The following TCP11 variants were observed in gnomAD, a reference collection of about 807,000 sequenced individuals.
TCP11 encodes the protein T-complex protein 11 homolog.
Under a neutral mutation model 45.0 loss-of-function variants are expected in TCP11, and 34 were observed. That is an observed-to-expected ratio of 0.76 (90% CI 0.57 to 1.01). The LOEUF is 1.01. Among genes scored for constraint, TCP11 ranks in the 50% least tolerant of loss-of-function variants. The probability of loss-of-function intolerance (pLI) is 0.00; values close to 1 mark genes in which losing one functional copy is unlikely to be tolerated. For missense variants in TCP11, 523 were observed against 598.1 expected, an observed-to-expected ratio of 0.87 and a Z score of 1.31; for synonymous variants, 227 against 227.0, an observed-to-expected ratio of 1.00 and a Z score of 0.00.
At chr6:35,126,628 A>G (rs1779845178) in intron 4 of TCP11, among the ~76,000 whole-genome samples, 2 of 150,738 alleles carry the variant, frequency 1.3e-5, no homozygotes, top group South Asian at 4.2e-4. Context: ...TACAGGATGC[A>G]ATATATGCTT....
Position 35,140,839 on chromosome 6 carries a change from T to C in TCP11, c.32A>G (p.Lys11Arg). 6.4e-7 allele frequency: 1 copy of C among 1,567,208 alleles called. No individual in the cohort carries two copies. Among genetic ancestry groups the C allele is most frequent in the African/African-American group, 1.4e-5 (1 of 72,912 alleles). ...CCTGCCCTCTGAGTCGCCAGGATAT[T>C]TCGGGGGCACACTCTCCTTGACGTC... Reference protein sequence around the residue: MPDVKESVPPKYPGDSEGRSC... With the variant: MPDVKESVPPRYPGDSEGRSC... The change falls in exon 2 of 10, where the codon AAA becomes AGA. Residue 11 changes from lysine (K) to arginine (R), a missense_variant. Physicochemically the swap from Lys to Arg is conservative, Grantham distance 26. Coordinates refer to ENST00000311875, the MANE Select transcript of TCP11 (RefSeq NM_001370687.1).
intron 4 of TCP11, among the ~76,000 whole-genome samples, chr6:35,128,063 G>A (rs1780022107): frequency 6.6e-6 from 1 of 152,178 alleles, no homozygotes; most frequent in Non-Finnish European, 1.5e-5. Flanking sequence ...CAGCTTATAA[G>A]AACACACATT....
At position 35,127,837 on chromosome 6, in the gene TCP11, A is replaced by T. The variant is rs534447437; in HGVS notation, c.357+1225T>A. ...TCTTTTCAGGAATTCAAATGTGTAT[A>T]GAAGAGCGCATGTGGAAACTGAGTA... On this transcript the variant is annotated intron_variant, in intron 4 of 9. Coordinates refer to ENST00000311875, the MANE Select transcript of TCP11 (RefSeq NM_001370687.1). Among the ~76,000 whole-genome samples the T allele has an allele frequency of 2.0e-5, 3 of 152,332 alleles. No individual in the cohort carries two copies. In the East Asian group the frequency reaches 5.8e-4, roughly 29 times the overall value.
At chr6:35,124,023 G>C (rs975142527) in intron 4 of TCP11, among the ~76,000 whole-genome samples, 1 of 151,816 alleles carries the variant, frequency 6.6e-6, no homozygotes, top group African/African-American at 2.4e-5. Context: ...TGAACTCCTG[G>C]GCTCAAGAAA....
rs751553159 is a variant in TCP11, at chr6:35,141,217, C to G, written c.-27G>C. 2.8e-6 allele frequency: 4 copies of G among 1,403,862 alleles called. No homozygotes were observed. The highest frequency in any genetic ancestry group is 3.7e-6 in the Non-Finnish European group (4 of 1,080,388). The allele number at this position is 1,403,862 out of a possible 1,614,324, so 87.0% of individuals were successfully genotyped here. On this transcript the variant is annotated 5_prime_UTR_variant, in exon 1 of 10. Transcript: ENST00000311875. ...CCCAGGCCGTCACCTCCTCCTCCCC[C>G]GCCGCGGGTCATCCACTGGCGTCCG... is the stretch of plus-strand genomic sequence containing the variant.
intron 3 of TCP11, among the ~76,000 whole-genome samples, chr6:35,130,588 GTA>G (rs919826622): frequency 1.3e-5 from 2 of 151,944 alleles, no homozygotes; most frequent in Non-Finnish European, 2.9e-5. Context: ...TGGCAAATAA[GTA>G]TATGAGAAGA....
intron 2 of TCP11, among the ~76,000 whole-genome samples, 159 bp from the exon 3 acceptor site, chr6:35,136,377 A>G (rs1238875140): frequency 2.0e-5 from 3 of 151,598 alleles, no homozygotes; most frequent in African/African-American, 7.3e-5. Context: ...TCTATGCCCC[A>G]CGACAGTGCT....
intron 4 of TCP11, chr6:35,128,716 G>A (rs1170467329): frequency 5.5e-6 from 1 of 180,914 alleles, no homozygotes. Context: ...GTGGTCAGCA[G>A]CATACACAGG....
At position 35,119,222 on chromosome 6, in the gene TCP11, A is replaced by G. The variant is rs1413462950; in HGVS notation, c.1279+6T>C. The G allele has an allele frequency of 6.2e-7, 1 of 1,613,600 alleles. No individual in the cohort carries two copies. The highest frequency in any genetic ancestry group is 8.5e-7 in the Non-Finnish European group (1 of 1,179,710). ...ACCATTCTTACTACCCCACAAGCAT[A>G]CTCACCAATAACACTGCAGACACAG... On this transcript the variant is annotated splice_donor_region_variant and intron_variant, in intron 9 of 9. Coordinates refer to ENST00000311875, the MANE Select transcript of TCP11 (RefSeq NM_001370687.1).
chr6:35,133,478 T>G (rs902134771), intron 3 of TCP11, among the ~76,000 whole-genome samples: 1 of 152,006 alleles, frequency 6.6e-6, no homozygotes, highest in African/African-American at 2.4e-5. Context: ...CCACTGTGCC[T>G]GACCAAGAAC....
At chr6:35,131,700 G>A (rs1466617016) in intron 3 of TCP11, among the ~76,000 whole-genome samples, 4 of 152,240 alleles carry the variant, frequency 2.6e-5, no homozygotes, top group Admixed American at 2.0e-4. Context: ...GGTCCATACT[G>A]TATGATTCCA....
At chr6:35,138,958 C>A (rs928401479) in intron 2 of TCP11, among the ~76,000 whole-genome samples, 2 of 152,166 alleles carry the variant, frequency 1.3e-5, no homozygotes, top group African/African-American at 4.8e-5. Context: ...GAGGCTAAGG[C>A]AGGCAGATCA....
chr6:35,137,918 T>C (rs1395560401), intron 2 of TCP11: 2 of 398,822 alleles, frequency 5.0e-6, no homozygotes, highest in East Asian at 1.5e-4. Context: ...ATAATTTTTC[T>C]ATAGTAAAAA....
intron 4 of TCP11, among the ~76,000 whole-genome samples, chr6:35,125,037 G>C (rs529858867): frequency 6.6e-6 from 1 of 151,498 alleles, no homozygotes; most frequent in Non-Finnish European, 1.5e-5. Flanking sequence ...CAAAAAATTA[G>C]CCGGGCGTGA....
intron 3 of TCP11, among the ~76,000 whole-genome samples, chr6:35,135,620 T>TAA (rs35859439): frequency 0.19 from 22,915 of 121,264 alleles, 2,691 homozygotes; most frequent in African/African-American, 0.29. Context: ...ACCCCATCTC[T>TAA]AAAAAAAAAA....
intron 2 of TCP11, 44 bp from the exon 3 acceptor site, chr6:35,136,262 T>C: frequency 6.7e-7 from 1 of 1,483,478 alleles, no homozygotes; most frequent in Non-Finnish European, 9.3e-7. Context: ...TGAATTTCTA[T>C]TTTATTCAGA....
At chr6:35,139,704 A>G (rs542565812) in intron 2 of TCP11, among the ~76,000 whole-genome samples, 2 of 152,336 alleles carry the variant, frequency 1.3e-5, no homozygotes, top group East Asian at 1.9e-4. Context: ...CTGCCTTGAT[A>G]AGACTTCTGT....
intron 3 of TCP11, among the ~76,000 whole-genome samples, chr6:35,132,371 C>T (rs183400320): frequency 4.7e-3 from 716 of 152,324 alleles, no homozygotes; most frequent in Non-Finnish European, 7.8e-3. Flanking sequence ...TAGCTGAACA[C>T]TCTCATTAAA....
At chr6:35,134,273 C>CTTTTTTTTTTTTTT (rs34368428) in intron 3 of TCP11, among the ~76,000 whole-genome samples, 3 of 105,106 alleles carry the variant, frequency 2.9e-5, no homozygotes, top group African/African-American at 1.1e-4. Flanking sequence ...CACCCATAAG[C>CTTTTTTTTTTTTTT]TTTTTTTTTT....
Sources: allele counts gnomAD v4.1 joint callset (sites outside exome capture counted in the v4.1 genomes callset), GRCh38; gene constraint gnomAD v4.1.1; transcripts MANE v1.5; gene names NCBI Gene and HGNC (gene_info 2026-07-23, HGNC 2026-07-21).